PRLR: variants seen among roughly 807,000 people sequenced by gnomAD.
PRLR encodes hPRL receptor.
PRLR carries 13 observed loss-of-function variants against 40.2 expected under a neutral mutation model. That is an observed-to-expected ratio of 0.32 (90% CI 0.21 to 0.51). PRLR has a LOEUF of 0.51. Ranked by LOEUF, PRLR falls within the 20% of genes least tolerant of loss-of-function variation. The pLI is 0.97. For synonymous variants in PRLR, 269 were observed against 278.7 expected (o/e 0.97, Z 0.35); for missense variants, 656 against 747.3 (o/e 0.88, Z 1.42).
chr5:35,217,103 A>C (rs1019539367), intron 1 of PRLR, among the ~76,000 whole-genome samples: 7 of 152,190 alleles, frequency 4.6e-5, no homozygotes, highest in Non-Finnish European at 1.0e-4. Context: ...CCTTCTGGAC[A>C]TCCAACCCAT....
rs74341008 is a variant in PRLR, at chr5:35,089,916, G to C, written c.-43-253C>G. ...AGGTAGAGAGTTCAAGGGGCAGCAA[G>C]GCAGTCAGTTCCTTTGCACACACCC... On this transcript the variant is annotated intron_variant, in intron 2 of 9. Transcript: ENST00000618457. Among the ~76,000 whole-genome samples, 108 of 152,252 alleles carry C rather than the reference G, an allele frequency of 7.1e-4. 1 individual carries two copies. The East Asian group carries it at 0.018, about 25-fold the overall frequency.
intron 1 of PRLR, among the ~76,000 whole-genome samples, chr5:35,147,789 T>C (rs529961647): frequency 1.3e-5 from 2 of 152,234 alleles, no homozygotes; most frequent in Admixed American, 6.5e-5. Flanking sequence ...TAGGCAATGA[T>C]ATGCAGCAAA....
In PRLR at chr5:35,063,958, C is replaced by A. The variant is rs183866859; in HGVS notation, c.*1131G>T. On this transcript the variant is annotated 3_prime_UTR_variant, in exon 10 of 10. Coordinates refer to ENST00000618457, the MANE Select transcript of PRLR (RefSeq NM_000949.7). The stretch of plus-strand genomic sequence containing the variant: ...GAATCAGATAAACTATACTATATTG[C>A]GTTGAAAACTGAATTTTGTCATTCA... 1 of 152,108 alleles carries A rather than the reference C, an allele frequency of 6.6e-6. No individual in the cohort carries two copies. The highest frequency in any genetic ancestry group is 1.9e-4 in the East Asian group (1 of 5,200). 9.4% of individuals were successfully genotyped at this position (152,108 alleles called of 1,614,324 possible).
At chr5:35,071,899 C>CTTTTT (rs560918362) in intron 6 of PRLR, among the ~76,000 whole-genome samples, 10 of 143,970 alleles carry the variant, frequency 6.9e-5, no homozygotes, top group African/African-American at 2.5e-4. Context: ...TGAGCCCAGC[C>CTTTTT]TTTTTTTTTT....
chr5:35,079,947 C>T (rs1391040180), intron 5 of PRLR, among the ~76,000 whole-genome samples: 1 of 152,160 alleles, frequency 6.6e-6, no homozygotes, highest in Admixed American at 6.5e-5. Context: ...AAAGGATTCC[C>T]TATTTAATAA....
intron 1 of PRLR, among the ~76,000 whole-genome samples, chr5:35,199,203 T>C (rs1170494121): frequency 2.6e-5 from 4 of 152,160 alleles, no homozygotes; most frequent in African/African-American, 9.7e-5. Flanking sequence ...AAGGAAATGC[T>C]ATAGGAGGAA....
chr5:35,179,234 T>A (rs1274697773), intron 1 of PRLR, among the ~76,000 whole-genome samples: 3 of 152,204 alleles, frequency 2.0e-5, no homozygotes, highest in African/African-American at 4.8e-5. Context: ...TAGTGAGGGA[T>A]CTGCAAATGT....
intron 2 of PRLR, among the ~76,000 whole-genome samples, chr5:35,112,087 C>T (rs974148588): frequency 4.6e-5 from 7 of 152,094 alleles, no homozygotes; most frequent in Non-Finnish European, 1.0e-4. Context: ...TGCTGACAGC[C>T]GACCTCCCTG....
rs1055567035 is a variant in PRLR, at chr5:35,061,190, G to T, written c.*3899C>A. On this transcript the variant is annotated 3_prime_UTR_variant, in exon 10 of 10. Transcript: ENST00000618457. ...ATCAATACATTTTTCCTTGCAAAAT[G>T]AAAACTTTAAAAAAAAATAGAGGAA... The T allele has an allele frequency of 3.8e-4, 58 of 151,704 alleles. No individual in the cohort carries two copies. Among genetic ancestry groups the T allele is most frequent in the African/African-American group, 1.4e-3 (56 of 41,404 alleles). The allele number at this position is 151,704 out of a possible 1,614,324, so 9.4% of individuals were successfully genotyped here. A position where few individuals can be genotyped will look rare whatever the true frequency, so the allele number is the denominator to read the frequency against.
intron 1 of PRLR, among the ~76,000 whole-genome samples, chr5:35,138,729 C>T (rs548854442): frequency 7.9e-5 from 12 of 152,304 alleles, no homozygotes; most frequent in Middle Eastern, 3.4e-3. Context: ...TGGTTCACAG[C>T]AGGTTTCTGG....
intron 2 of PRLR, among the ~76,000 whole-genome samples, chr5:35,094,342 G>A (rs1035345519): frequency 4.6e-5 from 7 of 152,152 alleles, no homozygotes; most frequent in Non-Finnish European, 1.0e-4. Context: ...ATTCATCCTT[G>A]TTGTTACATG....
chr5:35,112,741 T>C (rs1772738144), intron 2 of PRLR, among the ~76,000 whole-genome samples: 1 of 152,214 alleles, frequency 6.6e-6, no homozygotes, highest in African/African-American at 2.4e-5. Flanking sequence ...ATGAACAATA[T>C]GGTCTTTCAG....
At chr5:35,110,795 T>C (rs746572542) in intron 2 of PRLR, among the ~76,000 whole-genome samples, 2 of 152,198 alleles carry the variant, frequency 1.3e-5, no homozygotes, top group Non-Finnish European at 2.9e-5. Context: ...CTCCATACTG[T>C]TTCAGAAACA....
intron 1 of PRLR, among the ~76,000 whole-genome samples, chr5:35,120,474 G>A (rs971789617): frequency 5.9e-5 from 9 of 152,162 alleles, no homozygotes; most frequent in Admixed American, 6.5e-5. Context: ...AGCAAGAAAG[G>A]TGTAAAATTT....
rs1387902031 is a variant in PRLR at position 35,084,464 on chromosome 5, C to T, written c.373+6G>A. The T allele has an allele frequency of 1.9e-6, 3 of 1,558,158 alleles. No individual in the cohort carries two copies. Among genetic ancestry groups the T allele is most frequent in the Non-Finnish European group, 2.6e-6 (3 of 1,159,890 alleles). On this transcript the variant is annotated splice_donor_region_variant and intron_variant, in intron 5 of 9. Coordinates refer to ENST00000618457, the MANE Select transcript of PRLR (RefSeq NM_000949.7). Reference sequence around the variant, plus strand: ...GAAATTCCTCACCCACTTTCCTTCCCCTTACCTATGTAAGTCACGTCCACA... The same window carrying T: ...GAAATTCCTCACCCACTTTCCTTCCTCTTACCTATGTAAGTCACGTCCACA...
At chr5:35,107,782 A>G (rs991556048) in intron 2 of PRLR, among the ~76,000 whole-genome samples, 1 of 152,194 alleles carries the variant, frequency 6.6e-6, no homozygotes, top group Non-Finnish European at 1.5e-5. Flanking sequence ...TTCACAGCCG[A>G]GTCTACCAGA....
intron 1 of PRLR, among the ~76,000 whole-genome samples, chr5:35,224,251 G>A (rs536695896): frequency 3.3e-5 from 5 of 152,218 alleles, no homozygotes; most frequent in South Asian, 4.1e-4. Context: ...ATAGCTCCCC[G>A]CCCCACATCT....
chr5:35,051,402 T>C (rs1189808430), downstream of PRLR, among the ~76,000 whole-genome samples: 1 of 152,244 alleles, frequency 6.6e-6, no homozygotes, highest in Non-Finnish European at 1.5e-5. Context: ...GCAAAATCTT[T>C]TTGAGCATAG....
chr5:35,099,678 A>T (rs1352107861), intron 2 of PRLR, among the ~76,000 whole-genome samples: 1 of 152,196 alleles, frequency 6.6e-6, no homozygotes, highest in Non-Finnish European at 1.5e-5. Context: ...TGTGGAGGTG[A>T]AAGACAGCAA....
Sources: allele counts gnomAD v4.1 joint callset (sites outside exome capture counted in the v4.1 genomes callset), GRCh38; gene constraint gnomAD v4.1.1; transcripts MANE v1.5; gene names NCBI Gene and HGNC (gene_info 2026-07-23, HGNC 2026-07-21).